ZNF804B: variants seen among roughly 807,000 people sequenced by gnomAD.
ZNF804B encodes the protein zinc finger protein 804B.
In ZNF804B, 80 loss-of-function variants were observed where a neutral mutation model predicts 101.4. The ratio of observed to expected loss-of-function variants is 0.79; its 90% CI spans 0.66 to 0.95. The LOEUF (loss-of-function observed/expected upper bound fraction) is 0.95, where lower values mean the gene tolerates loss of function less well. Among genes scored for constraint, ZNF804B ranks in the 40% least tolerant of loss-of-function variants. The probability of loss-of-function intolerance (pLI) is 0.00; values close to 1 mark genes in which losing one functional copy is unlikely to be tolerated. For synonymous variants in ZNF804B, 622 were observed against 558.8 expected (o/e 1.11, Z -1.59); for missense variants, 1,673 against 1,561.9 (o/e 1.07, Z -1.20).
At chr7:88,854,414 C>CTTTCTTTCTTTCTTCCTTCCTTT (rs1791502231) in intron 1 of ZNF804B, among the ~76,000 whole-genome samples, 4 of 57,076 alleles carry the variant, frequency 7.0e-5, no homozygotes, top group Non-Finnish European at 1.4e-4. Flanking sequence ...TTTCTTTCTT[C>CTTTCTTTCTTTCTTCCTTCCTTT]CTTTCTTTCT....
chr7:89,158,777 T>C (rs988431812), intron 1 of ZNF804B, among the ~76,000 whole-genome samples: 1 of 152,162 alleles, frequency 6.6e-6, no homozygotes, highest in Non-Finnish European at 1.5e-5. Context: ...ACTTTCTTTC[T>C]ATTAAAAATT....
intron 2 of ZNF804B, among the ~76,000 whole-genome samples, chr7:89,279,762 T>C (rs62472184): frequency 0.12 from 18,453 of 151,836 alleles, 1,200 homozygotes; most frequent in Middle Eastern, 0.25. Flanking sequence ...GCCAGTATTT[T>C]ATTGAGGATT....
At chr7:89,277,745 A>G (rs1464030763) in intron 2 of ZNF804B, among the ~76,000 whole-genome samples, 18 of 151,676 alleles carry the variant, frequency 1.2e-4, no homozygotes, top group African/African-American at 4.1e-4. Flanking sequence ...AATCCCATCT[A>G]TCATTTTTGG....
At chr7:89,194,641 C>A (rs1171824581) in intron 1 of ZNF804B, among the ~76,000 whole-genome samples, 1 of 151,798 alleles carries the variant, frequency 6.6e-6, no homozygotes, top group East Asian at 1.9e-4. Context: ...GGTGTTATTT[C>A]TGAGGGCTCT....
At chr7:89,207,967 G>A (rs182864456) in intron 1 of ZNF804B, among the ~76,000 whole-genome samples, 2 of 152,036 alleles carry the variant, frequency 1.3e-5, no homozygotes, top group East Asian at 1.9e-4. Context: ...ACTGGTGAGC[G>A]CTGATATGTT....
intron 1 of ZNF804B, among the ~76,000 whole-genome samples, chr7:88,941,918 C>T (rs78434917): frequency 0.04 from 6,039 of 151,894 alleles, 198 homozygotes; most frequent in East Asian, 0.14. Context: ...TCCAAGGTAA[C>T]TTATCCTCAT....
At chr7:89,244,361 G>A (rs912683642) in intron 2 of ZNF804B, among the ~76,000 whole-genome samples, 1 of 151,948 alleles carries the variant, frequency 6.6e-6, no homozygotes, top group Non-Finnish European at 1.5e-5. Flanking sequence ...CTCATGCTTT[G>A]CAAACATTGT....
chr7:88,876,538 G>A (rs2115894716), intron 1 of ZNF804B, among the ~76,000 whole-genome samples: 1 of 152,120 alleles, frequency 6.6e-6, no homozygotes, highest in African/African-American at 2.4e-5. Context: ...GGAGATCCTA[G>A]GCCAAACTTT....
intron 1 of ZNF804B, among the ~76,000 whole-genome samples, chr7:89,054,123 G>A (rs1398970556): frequency 6.6e-6 from 1 of 151,844 alleles, no homozygotes; most frequent in African/African-American, 2.4e-5. Context: ...TTGGAGATTT[G>A]AGTCATTTGA....
At chr7:89,278,665 A>G (rs1450064500) in intron 2 of ZNF804B, among the ~76,000 whole-genome samples, 1 of 150,682 alleles carries the variant, frequency 6.6e-6, no homozygotes, top group African/African-American at 2.4e-5. Flanking sequence ...AGTTGTAGAT[A>G]TGTGGCGTTA....
intron 1 of ZNF804B, among the ~76,000 whole-genome samples, chr7:89,003,536 A>G (rs1197771313): frequency 6.6e-6 from 1 of 152,012 alleles, no homozygotes; most frequent in Non-Finnish European, 1.5e-5. Flanking sequence ...ACCAGAATAT[A>G]GAATTACTTT....
chr7:89,308,311 T>C (rs1418594978), intron 2 of ZNF804B, among the ~76,000 whole-genome samples: 2 of 152,148 alleles, frequency 1.3e-5, no homozygotes, highest in Non-Finnish European at 2.9e-5. Flanking sequence ...TTATTTTGAG[T>C]TCTGAAAATT....
intron 1 of ZNF804B, among the ~76,000 whole-genome samples, chr7:88,841,956 T>C (rs987602609): frequency 6.6e-5 from 10 of 152,214 alleles, no homozygotes; most frequent in Admixed American, 4.6e-4. Flanking sequence ...CATGTCTAGC[T>C]AACATGTAAG....
chr7:89,055,865 G>T (rs200244495), intron 1 of ZNF804B, among the ~76,000 whole-genome samples: 1 of 152,008 alleles, frequency 6.6e-6, no homozygotes, highest in Non-Finnish European at 1.5e-5. Context: ...ATTTCTTGGC[G>T]CTGCTCTTAG....
intron 1 of ZNF804B, among the ~76,000 whole-genome samples, chr7:88,911,345 T>G (rs906531359): frequency 5.9e-4 from 89 of 151,470 alleles, no homozygotes; most frequent in African/African-American, 2.1e-3. Flanking sequence ...GAAAGAAATA[T>G]TTTTGCCTAC....
chr7:89,081,818 G>A (rs563393625), intron 1 of ZNF804B, among the ~76,000 whole-genome samples: 1 of 151,754 alleles, frequency 6.6e-6, no homozygotes, highest in South Asian at 2.1e-4. Context: ...CCTATGAAAA[G>A]CAAATGACCT....
chr7:89,193,584 T>C (rs150524934), intron 1 of ZNF804B, among the ~76,000 whole-genome samples: 6,797 of 151,770 alleles, frequency 0.045, 140 homozygotes, highest in South Asian at 0.072. Context: ...GTCCTTGTGA[T>C]AGTTTGCTGA....
intron 1 of ZNF804B, among the ~76,000 whole-genome samples, chr7:89,201,452 G>T (rs1214402281): frequency 6.6e-6 from 1 of 152,010 alleles, no homozygotes; most frequent in African/African-American, 2.4e-5. Context: ...AGTGAGGGAT[G>T]AAATATTACC....
chr7:88,844,268 T>C (rs959729471), intron 1 of ZNF804B, among the ~76,000 whole-genome samples: 2 of 152,212 alleles, frequency 1.3e-5, no homozygotes, highest in African/African-American at 4.8e-5. Flanking sequence ...CATTTTTCAG[T>C]TTCACTAATT....
Sources: gnomAD v4.1 joint callset for allele counts (sites outside exome capture counted in the v4.1 genomes callset) on GRCh38, gnomAD v4.1.1 for gene constraint, MANE v1.5 for transcripts, NCBI Gene and HGNC (gene_info 2026-07-23, HGNC 2026-07-21) for gene names.